Variants in NYAP2 observed in about 807,000 individuals in gnomAD.
NYAP2 encodes the protein neuronal tyrosine-phosphorylated phosphoinositide-3-kinase adapter 2.
A neutral mutation model predicts 50.4 loss-of-function variants in NYAP2; 23 were observed. The observed-to-expected ratio is 0.46, with a 90% confidence interval of 0.33 to 0.65. The LOEUF is 0.65. Among genes scored for constraint, NYAP2 ranks in the 30% least tolerant of loss-of-function variants. The pLI is 0.02. For missense variants in NYAP2, 885 were observed against 861.0 expected, an observed-to-expected ratio of 1.03 and a Z score of -0.35; for synonymous variants, 394 against 365.2, an observed-to-expected ratio of 1.08 and a Z score of -0.90.
intron 4 of NYAP2, among the ~76,000 whole-genome samples, chr2:225,534,862 G>A (rs984263292): frequency 2.0e-5 from 3 of 152,210 alleles, no homozygotes; most frequent in African/African-American, 4.8e-5. Flanking sequence ...GTAGCCTCTG[G>A]CCCAGGGCTA....
At chr2:225,458,635 C>A (rs1432695884) in intron 3 of NYAP2, among the ~76,000 whole-genome samples, 1 of 152,180 alleles carries the variant, frequency 6.6e-6, no homozygotes, top group Admixed American at 6.5e-5. Context: ...AGAGCAGAAG[C>A]CTGATCTCTG....
intron 3 of NYAP2, among the ~76,000 whole-genome samples, chr2:225,438,712 A>T (rs1022187053): frequency 1.3e-5 from 2 of 152,226 alleles, no homozygotes; most frequent in Non-Finnish European, 2.9e-5. Flanking sequence ...TATTCAACAC[A>T]GATTTAGTTA....
chr2:225,686,977 A>G, the NYAP2 span, among the ~76,000 whole-genome samples: 1 of 152,132 alleles, frequency 6.6e-6, no homozygotes. Flanking sequence ...TGCACTTCCC[A>G]TGTCATGGGC....
chr2:225,547,276 A>G (rs1210069707), intron 4 of NYAP2, among the ~76,000 whole-genome samples: 2 of 152,112 alleles, frequency 1.3e-5, no homozygotes, highest in African/African-American at 4.8e-5. Context: ...TTACTCCACT[A>G]TTTAATTACA....
chr2:225,619,662 AG>A (rs1349639703), intron 5 of NYAP2, among the ~76,000 whole-genome samples: 2 of 152,146 alleles, frequency 1.3e-5, no homozygotes, highest in Non-Finnish European at 2.9e-5. Flanking sequence ...GAGAGACAGA[AG>A]TAGACCCACA....
chr2:225,651,616 G>A, exon 7 of NYAP2: 2 of 1,601,540 alleles, frequency 1.2e-6, no homozygotes, highest in South Asian at 2.2e-5. Context: ...CTGTCCTGTT[G>A]CTGTAGACAA....
chr2:225,484,454 C>A (rs1479575838), intron 3 of NYAP2, among the ~76,000 whole-genome samples: 1 of 152,174 alleles, frequency 6.6e-6, no homozygotes, highest in Non-Finnish European at 1.5e-5. Flanking sequence ...TATCAAATTT[C>A]ATTTAATAAT....
At chr2:225,657,606 A>G (rs1396126952), downstream of NYAP2, among the ~76,000 whole-genome samples, 5 of 151,968 alleles carry the variant, frequency 3.3e-5, no homozygotes, top group Non-Finnish European at 7.4e-5. Flanking sequence ...AAAAAAAAAA[A>G]AAAGGAAAAG....
chr2:225,611,901 TACACACACACACACACAC>T lies in NYAP2; in HGVS notation c.1619-14995_1619-14978del, dbSNP rs147331159. ...ATGTATATATATGTGTGTGTGTGTA[TACACACACACACACACAC>T]ACACACACACACACACACACTTTTC... On this transcript the variant is annotated intron_variant, in intron 5 of 6. Coordinates refer to ENST00000636099, the Ensembl canonical transcript of NYAP2. 1.4e-3 allele frequency among the ~76,000 whole-genome samples: 201 copies of T among 145,606 alleles called. 1 individual carries two copies. Among genetic ancestry groups the T allele is most frequent in the South Asian group, 6.1e-3 (28 of 4,562 alleles).
chr2:225,628,028 A>G (rs1019066731), intron 6 of NYAP2, among the ~76,000 whole-genome samples: 12 of 148,358 alleles, frequency 8.1e-5, no homozygotes, highest in African/African-American at 2.8e-4. Context: ...ACAAGTTAAA[A>G]TTGGAATAGG....
chr2:225,576,316 A>G (rs1239029497), intron 4 of NYAP2, among the ~76,000 whole-genome samples: 3 of 152,188 alleles, frequency 2.0e-5, no homozygotes, highest in Non-Finnish European at 4.4e-5. Context: ...AGGTCCTACA[A>G]CTTTGAACCC....
Position 225,422,134 on chromosome 2 carries a change from T to C in NYAP2, c.221+13033T>C, listed in dbSNP as rs149624316. Among the ~76,000 whole-genome samples, 323 of 152,304 alleles carry C rather than the reference T, an allele frequency of 2.1e-3. 1 individual carries two copies. Among genetic ancestry groups the C allele is most frequent in the African/African-American group, 7.5e-3 (310 of 41,572 alleles). ...CTAGCAATTACTTAAAATGTCTGGG[T>C]ATTTCAAATAAAAGTAAAGGAGAGG... On this transcript the variant is annotated intron_variant, in intron 3 of 6. Coordinates refer to ENST00000636099, the Ensembl canonical transcript of NYAP2.
chr2:225,695,357 T>C, the NYAP2 span, among the ~76,000 whole-genome samples: 3 of 151,860 alleles, frequency 2.0e-5, no homozygotes, highest in African/African-American at 7.2e-5. Context: ...AATAAAATCA[T>C]AGAAGTGATG....
intron 4 of NYAP2, among the ~76,000 whole-genome samples, chr2:225,553,779 G>A (rs1050782682): frequency 1.3e-5 from 2 of 152,186 alleles, no homozygotes; most frequent in Admixed American, 1.3e-4. Context: ...GCTCACACCT[G>A]TAATTCCAGC....
chr2:225,650,201 A>C (rs900656845), intron 6 of NYAP2, among the ~76,000 whole-genome samples: 4 of 152,172 alleles, frequency 2.6e-5, no homozygotes, highest in Non-Finnish European at 4.4e-5. Context: ...CAATTGATGG[A>C]AACTGAAGTT....
At chr2:225,434,435 T>C (rs750802315) in intron 3 of NYAP2, among the ~76,000 whole-genome samples, 7 of 152,200 alleles carry the variant, frequency 4.6e-5, no homozygotes, top group Non-Finnish European at 1.0e-4. Flanking sequence ...GTTTGACACT[T>C]GTGCAATTAA....
At chr2:225,436,373 TA>T (rs1176866778) in intron 3 of NYAP2, among the ~76,000 whole-genome samples, 1 of 152,202 alleles carries the variant, frequency 6.6e-6, no homozygotes, top group Non-Finnish European at 1.5e-5. Context: ...AGACCCTCCC[TA>T]GCTTGACATG....
At chr2:225,534,912 C>T (rs935314158) in intron 4 of NYAP2, among the ~76,000 whole-genome samples, 4 of 152,164 alleles carry the variant, frequency 2.6e-5, no homozygotes, top group Non-Finnish European at 5.9e-5. Context: ...TTTGCGTCAT[C>T]GGAGCCAGAG....
At chr2:225,558,612 C>G (rs1284069843) in intron 4 of NYAP2, among the ~76,000 whole-genome samples, 1 of 152,116 alleles carries the variant, frequency 6.6e-6, no homozygotes, top group Admixed American at 6.6e-5. Context: ...TCTGGACAAT[C>G]CAGGCTAATC....
Sources: allele counts gnomAD v4.1 joint callset (sites outside exome capture counted in the v4.1 genomes callset), GRCh38; gene constraint gnomAD v4.1.1; transcripts MANE v1.5; gene names NCBI Gene and HGNC (gene_info 2026-07-23, HGNC 2026-07-21).